Variants in SHC3 observed in about 807,000 individuals in gnomAD.
SHC3 encodes SHC adaptor protein 3.
A neutral mutation model predicts 60.4 loss-of-function variants in SHC3; 15 were observed. The observed-to-expected ratio is 0.25, with a 90% CI of 0.17 to 0.38. The LOEUF is 0.38. Among genes scored for constraint, SHC3 ranks in the 10% least tolerant of loss-of-function variants. The pLI, the probability that SHC3 is intolerant of heterozygous loss-of-function variation, is 1.00. For synonymous variants in SHC3, 294 were observed against 325.9 expected (o/e 0.90, Z 1.05); for missense variants, 677 against 786.1 (o/e 0.86, Z 1.66).
intron 1 of SHC3, among the ~76,000 whole-genome samples, chr9:89,168,794 T>A (rs1826827063): frequency 4.6e-5 from 7 of 152,196 alleles, no homozygotes; most frequent in Admixed American, 4.6e-4. Context: ...AATAAACAGA[T>A]GGCCTTCCCC....
intron 6 of SHC3, among the ~76,000 whole-genome samples, chr9:89,053,791 G>C (rs541373084): frequency 6.6e-6 from 1 of 152,300 alleles, no homozygotes; most frequent in East Asian, 1.9e-4. Flanking sequence ...GCAATGCCAA[G>C]CAGCTGTTAC....
intron 2 of SHC3, among the ~76,000 whole-genome samples, chr9:89,087,009 C>T (rs1377486198): frequency 3.9e-5 from 6 of 152,126 alleles, no homozygotes; most frequent in African/African-American, 1.4e-4. Context: ...GGGGTGATTG[C>T]ACGTCCTCCT....
chr9:89,099,229 C>A (rs1025082920), intron 2 of SHC3, among the ~76,000 whole-genome samples: 1 of 152,060 alleles, frequency 6.6e-6, no homozygotes, highest in Non-Finnish European at 1.5e-5. Context: ...ATCACTTAGG[C>A]TTTTTCTTTA....
At chr9:89,109,543 G>A in intron 2 of SHC3, 1 of 985,496 alleles carries the variant, frequency 1.0e-6, no homozygotes, top group East Asian at 1.1e-4. Flanking sequence ...CCTGAGAGCT[G>A]AGTTTTGCCA....
At chr9:89,058,820 T>C (rs1825004473) in intron 6 of SHC3, among the ~76,000 whole-genome samples, 1 of 99,756 alleles carries the variant, frequency 1.0e-5, no homozygotes, top group East Asian at 3.5e-4. Flanking sequence ...GTAGAAGACA[T>C]GGTGGAGGAC....
chr9:89,162,805 C>T (rs1361392320), intron 1 of SHC3, among the ~76,000 whole-genome samples: 4 of 148,550 alleles, frequency 2.7e-5, no homozygotes, highest in Non-Finnish European at 6.0e-5. Flanking sequence ...AGTGAACAGG[C>T]AACCTACAAA....
At chr9:89,115,247 A>G (rs1364911341) in intron 1 of SHC3, among the ~76,000 whole-genome samples, 2 of 152,174 alleles carry the variant, frequency 1.3e-5, no homozygotes, top group East Asian at 1.9e-4. Context: ...TTGGAATGAC[A>G]CAGCCAACTT....
At chr9:89,149,523 T>A (rs1826515694) in intron 1 of SHC3, among the ~76,000 whole-genome samples, 1 of 152,176 alleles carries the variant, frequency 6.6e-6, no homozygotes, top group Non-Finnish European at 1.5e-5. Flanking sequence ...GATCCTGTCG[T>A]CTAAAGTCTT....
At chr9:89,057,875 CGAGATGAGATTA>C (rs1564107105) in intron 6 of SHC3, among the ~76,000 whole-genome samples, 1 of 152,122 alleles carries the variant, frequency 6.6e-6, no homozygotes, top group Non-Finnish European at 1.5e-5. Flanking sequence ...TTAAGGATCT[CGAGATGAGATTA>C]TCCTGGATTA....
intron 1 of SHC3, among the ~76,000 whole-genome samples, chr9:89,117,538 C>T (rs375223097): frequency 7.9e-5 from 12 of 152,156 alleles, no homozygotes; most frequent in African/African-American, 2.6e-4. Flanking sequence ...ATTCAATCAT[C>T]TTTCTTTTGG....
chr9:89,135,572 T>G (rs1403983578), intron 1 of SHC3, among the ~76,000 whole-genome samples: 1 of 152,154 alleles, frequency 6.6e-6, no homozygotes, highest in Admixed American at 6.6e-5. Context: ...CAGTCTGTTA[T>G]GATTTGTCTT....
chr9:89,020,061 C>T (rs1826172711), intron 11 of SHC3, among the ~76,000 whole-genome samples: 1 of 152,080 alleles, frequency 6.6e-6, no homozygotes, highest in Non-Finnish European at 1.5e-5. Flanking sequence ...TAGACCTTTA[C>T]TGTTAAAAAT....
intron 1 of SHC3, among the ~76,000 whole-genome samples, chr9:89,134,914 T>C (rs750874793): frequency 6.6e-6 from 1 of 152,278 alleles, no homozygotes; most frequent in Non-Finnish European, 1.5e-5. Flanking sequence ...TGATCTTTTG[T>C]TTTGTTTTCC....
At chr9:89,043,657 T>A (rs867264613) in intron 9 of SHC3, among the ~76,000 whole-genome samples, 1,619 of 150,822 alleles carry the variant, frequency 0.011, 19 homozygotes, top group African/African-American at 0.034. Flanking sequence ...TATTTATTTT[T>A]TTTTTTTTTT....
intron 1 of SHC3, among the ~76,000 whole-genome samples, 153 bp from the exon 2 acceptor site, chr9:89,112,779 A>G (rs1825968951): frequency 6.6e-6 from 1 of 152,188 alleles, no homozygotes; most frequent in Non-Finnish European, 1.5e-5. Context: ...TGTTTCTATA[A>G]AAGCAATAAC....
intron 2 of SHC3, among the ~76,000 whole-genome samples, chr9:89,102,870 T>C (rs1001503976): frequency 1.3e-5 from 2 of 152,214 alleles, no homozygotes; most frequent in Non-Finnish European, 2.9e-5. Context: ...TCTTTAAAAG[T>C]TCAATATGAT....
intron 2 of SHC3, among the ~76,000 whole-genome samples, chr9:89,087,616 G>A (rs762710389): frequency 6.6e-6 from 1 of 152,120 alleles, no homozygotes; most frequent in African/African-American, 2.4e-5. Flanking sequence ...TTTGTTTTAG[G>A]CATTTATAAG....
At chr9:89,143,464 G>T (rs904659409) in intron 1 of SHC3, among the ~76,000 whole-genome samples, 2 of 152,112 alleles carry the variant, frequency 1.3e-5, no homozygotes, top group Admixed American at 6.6e-5. Flanking sequence ...ATCCAGCCCA[G>T]CAGGTTTCAG....
chr9:89,178,568 TG>T lies in SHC3; in HGVS notation c.-109del. The T allele has an allele frequency of 1.8e-6, 2 of 1,131,868 alleles. No individual in the cohort carries two copies. Among genetic ancestry groups the T allele is most frequent in the African/African-American group, 1.6e-5 (1 of 61,272 alleles). 70.1% of individuals were successfully genotyped at this position (1,131,868 alleles called of 1,614,324 possible). ...ACTGTCCCCGGAGCGGGACGGAGAGTGGGGGCCCCGGGACAGCCTTCTGGAG... is the reference window on the plus strand; with the variant it reads ...ACTGTCCCCGGAGCGGGACGGAGAGTGGGGCCCCGGGACAGCCTTCTGGAG... On this transcript the variant is annotated 5_prime_UTR_variant, in exon 1 of 12. Coordinates refer to ENST00000375835, the MANE Select transcript of SHC3 (RefSeq NM_016848.6). The surrounding 1 kb of genome is among the most constrained non-coding windows in gnomAD (Gnocchi z 6.9).
Sources: gnomAD v4.1 joint callset for allele counts (sites outside exome capture counted in the v4.1 genomes callset) on GRCh38, gnomAD v4.1.1 for gene constraint, Gnocchi (gnomAD v3.1) non-coding constraint, MANE v1.5 for transcripts, NCBI Gene and HGNC (gene_info 2026-07-23, HGNC 2026-07-21) for gene names.